The following CHODL variants were observed in gnomAD, a reference collection of about 807,000 sequenced individuals.
CHODL encodes chondrolectin.
Under a neutral mutation model 34.5 loss-of-function variants are expected in CHODL, and 29 were observed. The observed-to-expected ratio is 0.84, with a 90% confidence interval of 0.63 to 1.15. The LOEUF (loss-of-function observed/expected upper bound fraction) is 1.15, where lower values mean the gene tolerates loss of function less well. CHODL is among the 50% of genes most tolerant of loss of function. CHODL has a pLI of 0.00. For missense variants in CHODL, 332 were observed against 332.5 expected, an observed-to-expected ratio of 1.00 and a Z score of 0.01; for synonymous variants, 125 against 116.1, an observed-to-expected ratio of 1.08 and a Z score of -0.49.
At chr21:18,017,720 C>G (rs2146421345) in intron 1 of CHODL, among the ~76,000 whole-genome samples, 1 of 152,340 alleles carries the variant, frequency 6.6e-6, no homozygotes, top group Admixed American at 6.5e-5. Context: ...AGGCCCCACA[C>G]AGTGTGCCCA....
chr21:18,151,319 A>T (rs1020075010), intron 2 of CHODL, among the ~76,000 whole-genome samples: 1 of 152,080 alleles, frequency 6.6e-6, no homozygotes, highest in African/African-American at 2.4e-5. Flanking sequence ...TGCTGCAGTC[A>T]TGCCTATCCA....
chr21:18,001,694 C>G (rs375575464), intron 1 of CHODL, among the ~76,000 whole-genome samples: 1 of 150,762 alleles, frequency 6.6e-6, no homozygotes, highest in South Asian at 2.1e-4. Flanking sequence ...TACATTGTTA[C>G]ATGTTGCTTC....
intron 1 of CHODL, among the ~76,000 whole-genome samples, chr21:18,253,133 AC>A (rs2146805182): frequency 6.6e-6 from 1 of 152,264 alleles, no homozygotes; most frequent in African/African-American, 2.4e-5. Context: ...GAGTTAATTT[AC>A]ATCACCATTT....
At chr21:18,181,018 TTAG>T (rs769845701) in intron 2 of CHODL, among the ~76,000 whole-genome samples, 13 of 152,202 alleles carry the variant, frequency 8.5e-5, no homozygotes, top group Admixed American at 1.3e-4. Context: ...CAGATTTTTA[TTAG>T]TAGTGTCATT....
At chr21:18,044,253 G>A (rs1219684983) in intron 2 of CHODL, among the ~76,000 whole-genome samples, 1 of 151,970 alleles carries the variant, frequency 6.6e-6, no homozygotes, top group Non-Finnish European at 1.5e-5. Flanking sequence ...AATGTGAATT[G>A]TGTGATTTCA....
intron 2 of CHODL, among the ~76,000 whole-genome samples, chr21:18,134,896 C>CCT (rs1430473460): frequency 1.3e-5 from 2 of 152,168 alleles, no homozygotes; most frequent in Admixed American, 1.3e-4. Flanking sequence ...TATTGGCTTA[C>CCT]CTATGATGTA....
At chr21:18,071,258 C>T (rs952914453) in intron 2 of CHODL, among the ~76,000 whole-genome samples, 22 of 151,396 alleles carry the variant, frequency 1.5e-4, no homozygotes, top group African/African-American at 4.8e-4. Context: ...ATGATTCTCC[C>T]GCCACAGCCT....
At chr21:18,011,075 G>A (rs1375476442) in intron 1 of CHODL, among the ~76,000 whole-genome samples, 1 of 152,060 alleles carries the variant, frequency 6.6e-6, no homozygotes, top group African/African-American at 2.4e-5. Flanking sequence ...GATTCCCTAT[G>A]TATGCTGTAT....
At chr21:17,946,799 G>C (rs982390104) in intron 1 of CHODL, among the ~76,000 whole-genome samples, 2 of 152,140 alleles carry the variant, frequency 1.3e-5, no homozygotes, top group African/African-American at 4.8e-5. Context: ...CCTTACCAGT[G>C]AAGTGAGTCT....
At chr21:18,024,047 G>C (rs2064151543) in intron 1 of CHODL, among the ~76,000 whole-genome samples, 1 of 152,176 alleles carries the variant, frequency 6.6e-6, no homozygotes, top group African/African-American at 2.4e-5. Context: ...TTATTGGCCA[G>C]AGATTCTGAC....
At chr21:18,019,231 G>A (rs2064104481) in intron 1 of CHODL, among the ~76,000 whole-genome samples, 1 of 152,092 alleles carries the variant, frequency 6.6e-6, no homozygotes, top group South Asian at 2.1e-4. Flanking sequence ...ATAAAAGCAG[G>A]TATTCTTGGA....
intron 2 of CHODL, among the ~76,000 whole-genome samples, chr21:18,088,930 CG>C (rs1392816439): frequency 2.0e-5 from 3 of 152,132 alleles, no homozygotes; most frequent in African/African-American, 7.2e-5. Flanking sequence ...AGTAAGGTCT[CG>C]GTTCTCAGTA....
chr21:17,929,627 C>T (rs1276696833), intron 1 of CHODL, among the ~76,000 whole-genome samples: 1 of 152,170 alleles, frequency 6.6e-6, no homozygotes, highest in African/African-American at 2.4e-5. Context: ...ACCCCTGGGG[C>T]CCCACTCCCA....
chr21:18,266,041 A>ACTC lies in CHODL; in HGVS notation c.*4_*6dup. On this transcript the variant is annotated 3_prime_UTR_variant, in exon 6 of 6. Transcript: ENST00000299295. ...AAGAAAGTGGCATGGAAGTATAATAACTCATTGACTTGGTTCCAGAATTTT... is the reference window on the plus strand; with the variant it reads ...AAGAAAGTGGCATGGAAGTATAATAACTCCTCATTGACTTGGTTCCAGAATTTT... The ACTC allele has an allele frequency of 6.2e-7, 1 of 1,613,700 alleles. No individual in the cohort carries two copies. Among genetic ancestry groups the ACTC allele is most frequent in the Non-Finnish European group, 8.5e-7 (1 of 1,179,718 alleles).
At chr21:18,071,940 T>C (rs1399361500) in intron 2 of CHODL, among the ~76,000 whole-genome samples, 1 of 152,164 alleles carries the variant, frequency 6.6e-6, no homozygotes, top group Non-Finnish European at 1.5e-5. Context: ...TTATGGGCTT[T>C]ATAAATAAAG....
At chr21:17,963,642 T>C (rs1022104774) in intron 1 of CHODL, among the ~76,000 whole-genome samples, 1 of 152,216 alleles carries the variant, frequency 6.6e-6, no homozygotes, top group Non-Finnish European at 1.5e-5. Context: ...ATGTAGGGAT[T>C]ATAGGAACTA....
intron 2 of CHODL, among the ~76,000 whole-genome samples, chr21:18,184,840 C>A (rs893390106): frequency 6.6e-6 from 1 of 152,122 alleles, no homozygotes; most frequent in African/African-American, 2.4e-5. Context: ...AAAACCATTC[C>A]TATCTGGAGA....
At chr21:18,157,966 A>G (rs34462585) in intron 2 of CHODL, among the ~76,000 whole-genome samples, 7,168 of 152,152 alleles carry the variant, frequency 0.047, 259 homozygotes, top group Non-Finnish European at 0.073. Context: ...TAAAAAAAAA[A>G]GAGACAGAAA....
At chr21:18,089,528 A>G (rs563876245) in intron 2 of CHODL, among the ~76,000 whole-genome samples, 45 of 152,360 alleles carry the variant, frequency 3.0e-4, no homozygotes, top group African/African-American at 1.1e-3. Context: ...CATGTGAAAT[A>G]TGAAAACACC....
Sources: allele counts gnomAD v4.1 joint callset (sites outside exome capture counted in the v4.1 genomes callset), GRCh38; gene constraint gnomAD v4.1.1; transcripts MANE v1.5; gene names NCBI Gene and HGNC (gene_info 2026-07-23, HGNC 2026-07-21).